The following PPP2R5B variants were observed in gnomAD, a reference collection of about 807,000 sequenced individuals.
PPP2R5B encodes the protein serine/threonine-protein phosphatase 2A 56 kDa regulatory subunit beta isoform.
In PPP2R5B, 19 loss-of-function variants were observed where a neutral mutation model predicts 59.9. That is an observed-to-expected ratio of 0.32 (90% CI 0.22 to 0.47). The LOEUF (loss-of-function observed/expected upper bound fraction) is 0.47. PPP2R5B is among the 20% of genes least tolerant of loss of function. PPP2R5B has a pLI of 1.00. For missense variants in PPP2R5B, 441 were observed against 640.2 expected (o/e 0.69, Z 3.36); for synonymous variants, 286 against 260.5 (o/e 1.10, Z -0.94).
rs923480575 is a variant in PPP2R5B at position 64,933,308 on chromosome 11, G to C, written c.1346+62G>C. The C allele has an allele frequency of 2.5e-5, 35 of 1,424,860 alleles. No individual in the cohort carries two copies. The African/African-American group carries it at 2.8e-4, about 11-fold the overall frequency. 88.3% of individuals were successfully genotyped at this position (1,424,860 alleles called of 1,614,324 possible). A position where few individuals can be genotyped will look rare whatever the true frequency, so the allele number is the denominator to read the frequency against. On this transcript the variant is annotated intron_variant, in intron 13 of 13. Coordinates refer to ENST00000164133, the MANE Select transcript of PPP2R5B (RefSeq NM_006244.4). ...GAGCAGGGAGGAGTCAGACCCCCAT[G>C]GCTGGAGGGAACCCGAGGACTACCC...
Position 64,931,335 on chromosome 11 carries a change from G to A in PPP2R5B, c.892-101G>A, listed in dbSNP as rs183149940. 1.8e-4 allele frequency: 237 copies of A among 1,287,394 alleles called. No individual in the cohort carries two copies. In the African/African-American group the frequency reaches 2.9e-3, roughly 16 times the overall value. The allele number at this position is 1,287,394 out of a possible 1,614,324, so 79.7% of individuals were successfully genotyped here. A position where few individuals can be genotyped will look rare whatever the true frequency, so the allele number is the denominator to read the frequency against. ...TTGGTGAATAAGAAAGTAACAGGCC[G>A]TGGGTGAGCAGTATTTGGCATTCTG... On this transcript the variant is annotated intron_variant, in intron 8 of 13. Transcript: ENST00000164133. The surrounding 1 kb of genome is among the most constrained non-coding windows in gnomAD (Gnocchi z 5.0).
intron 1 of PPP2R5B, among the ~76,000 whole-genome samples, chr11:64,919,381 T>G (rs601805): frequency 0.95 from 144,095 of 151,572 alleles, 68,909 homozygotes; most frequent in East Asian, 1. Flanking sequence ...GGAAGGAATC[T>G]AGAGCTCTGC....
At chr11:64,926,646 C>A in intron 2 of PPP2R5B, 66 bp from the exon 3 acceptor site, 2 of 1,565,510 alleles carry the variant, frequency 1.3e-6, no homozygotes, top group Non-Finnish European at 8.7e-7. Context: ...GGAGGGTCTG[C>A]CCCACCCACA....
chr11:64,923,482 G>A (rs1391044951), upstream of PPP2R5B, among the ~76,000 whole-genome samples: 1 of 152,222 alleles, frequency 6.6e-6, no homozygotes, highest in Non-Finnish European at 1.5e-5. Flanking sequence ...TCCTGAGCAA[G>A]CAGAGCACTT....
At chr11:64,927,717 A>G in intron 3 of PPP2R5B, 85 bp from the exon 4 acceptor site, 4 of 1,129,406 alleles carry the variant, frequency 3.5e-6, no homozygotes, top group East Asian at 2.4e-5. Flanking sequence ...GGGAAAGAAA[A>G]AAAAAAAAAA....
Position 64,933,882 on chromosome 11 carries a change from G to C in PPP2R5B, c.*38G>C. ...AAGGGGAAAAGCTAAACCCAGAGCT[G>C]TCAGTCCCTCTATCCCTTCTCCTGT... On this transcript the variant is annotated 3_prime_UTR_variant, in exon 14 of 14. Transcript: ENST00000164133. 1 of 1,481,102 alleles carries C rather than the reference G, an allele frequency of 6.8e-7. No individual in the cohort carries two copies. The allele number at this position is 1,481,102 out of a possible 1,614,324, so 91.7% of individuals were successfully genotyped here. A position where few individuals can be genotyped will look rare whatever the true frequency, so the allele number is the denominator to read the frequency against.
intron 12 of PPP2R5B, 48 bp downstream of exon 12, chr11:64,932,940 A>G: frequency 6.2e-7 from 1 of 1,610,332 alleles, no homozygotes; most frequent in South Asian, 1.1e-5. Flanking sequence ...GACCAGGGCC[A>G]GCCAGTCCAG....
At chr11:64,933,657 G>A (rs369075136) in intron 13 of PPP2R5B, 40 bp from the exon 14 acceptor site, 17 of 1,533,340 alleles carry the variant, frequency 1.1e-5, no homozygotes, top group African/African-American at 2.8e-5. Flanking sequence ...GGACTGTGGG[G>A]GGCCCCAGGA....
intron 1 of PPP2R5B, among the ~76,000 whole-genome samples, chr11:64,917,859 C>T (rs1196796910): frequency 7.2e-5 from 11 of 152,174 alleles, no homozygotes; most frequent in Non-Finnish European, 1.5e-4. Flanking sequence ...CCCCGGAATG[C>T]TCAGAGGGAG....
At chr11:64,921,583 T>C (rs1273657525), upstream of PPP2R5B, among the ~76,000 whole-genome samples, 1 of 152,156 alleles carries the variant, frequency 6.6e-6, no homozygotes, top group Non-Finnish European at 1.5e-5. Flanking sequence ...TTTGACTCTG[T>C]CCTGGGTGGA....
chr11:64,933,591 T>C, intron 13 of PPP2R5B, 106 bp from the exon 14 acceptor site: 3 of 1,385,262 alleles, frequency 2.2e-6, no homozygotes, highest in Non-Finnish European at 2.9e-6. Context: ...AATGGTTCCA[T>C]GCCTTCCCTT....
In PPP2R5B at chr11:64,929,501, A is replaced by G. The variant is rs538269135; in HGVS notation, c.723-821A>G. 2.6e-5 allele frequency among the ~76,000 whole-genome samples: 4 copies of G among 152,348 alleles called. No homozygotes were observed. In the East Asian group the frequency reaches 7.7e-4, roughly 29 times the overall value. ...AGCACTTTGGGAGTTGGAGGTGGGC[A>G]GATCACTTGAGATCAGGAGTTCAAG... is the stretch of plus-strand genomic sequence containing the variant. On this transcript the variant is annotated intron_variant, in intron 6 of 13. Coordinates refer to ENST00000164133, the MANE Select transcript of PPP2R5B (RefSeq NM_006244.4).
rs890362220 is a variant in PPP2R5B at position 64,927,026 on chromosome 11, C to T, written c.396+118C>T. On this transcript the variant is annotated intron_variant, in intron 3 of 13. Coordinates refer to ENST00000164133, the MANE Select transcript of PPP2R5B (RefSeq NM_006244.4). ...TGTACTCATCGGCTTGGCCTCAGTC[C>T]ACGTCTTCCTTCCCCCCGACCTGCT... 9 of 1,259,236 alleles carry T rather than the reference C, an allele frequency of 7.1e-6. No homozygotes were observed. In the African/African-American group the frequency reaches 1.1e-4, roughly 15 times the overall value. 78.0% of individuals were successfully genotyped at this position (1,259,236 alleles called of 1,614,324 possible).
At chr11:64,927,039 C>G in intron 3 of PPP2R5B, 131 bp downstream of exon 3, 1 of 1,075,612 alleles carries the variant, frequency 9.3e-7, no homozygotes, top group Non-Finnish European at 1.3e-6. Flanking sequence ...GTCTTCCTTC[C>G]CCCCGACCTG....
chr11:64,933,804 G>A lies in PPP2R5B; in HGVS notation c.1454G>A (p.Arg485Gln), dbSNP rs1423849546. 8 of 1,552,018 alleles carry A rather than the reference G, an allele frequency of 5.2e-6. No individual in the cohort carries two copies. The highest frequency in any genetic ancestry group is 2.7e-5 in the African/African-American group (2 of 72,996). ...GGGGCCAAGGAGGCCCCCCTCCAGC[G>A]GCTTACACCCCAGGTGGCCGCCAGT... ...TQGAKEAPLQ[R>Q]LTPQVAASGG... The change falls in exon 14 of 14, where the codon CGG (arginine) becomes CAG (glutamine). Residue 485 changes from arginine (R) to glutamine (Q), a missense_variant. Physicochemically the swap from Arg to Gln is conservative, Grantham distance 43 (BLOSUM62 1). Coordinates refer to ENST00000164133, the MANE Select transcript of PPP2R5B (RefSeq NM_006244.4).
Position 64,925,827 on chromosome 11 carries a change from C to T in PPP2R5B, c.93C>T (p.Phe31=). The T allele has an allele frequency of 6.2e-7, 1 of 1,607,402 alleles. No homozygotes were observed. Among genetic ancestry groups the T allele is most frequent in the Non-Finnish European group, 8.5e-7 (1 of 1,178,028 alleles). ...PVPPPDKVDG[F]SRRSLRRARP... ...CCCCACCCGACAAGGTGGACGGCTT[C>T]TCCCGCCGTTCCCTCCGCAGAGCCC... The change falls in exon 2 of 14, where the codon TTC becomes TTT. Residue 31 remains phenylalanine (F), a synonymous_variant. Coordinates refer to ENST00000164133, the MANE Select transcript of PPP2R5B (RefSeq NM_006244.4). This position sits in a 1 kb window ranked among gnomAD's most constrained non-coding sequence, Gnocchi z 4.6.
chr11:64,926,650 A>AC, intron 2 of PPP2R5B, 62 bp from the exon 3 acceptor site: 3 of 1,578,772 alleles, frequency 1.9e-6, no homozygotes, highest in Non-Finnish European at 2.6e-6. Context: ...GGTCTGCCCC[A>AC]CCCACAGCTG....
In PPP2R5B at chr11:64,934,333, T is replaced by A. The variant is rs1437348498; in HGVS notation, c.*489T>A. 1 of 270,130 alleles carries A rather than the reference T, an allele frequency of 3.7e-6. No homozygotes were observed. Among genetic ancestry groups the A allele is most frequent in the Non-Finnish European group, 7.1e-6 (1 of 141,200 alleles). The allele number at this position is 270,130 out of a possible 1,614,324, so 16.7% of individuals were successfully genotyped here. A position where few individuals can be genotyped will look rare whatever the true frequency, so the allele number is the denominator to read the frequency against. On this transcript the variant is annotated 3_prime_UTR_variant, in exon 14 of 14. Coordinates refer to ENST00000164133, the MANE Select transcript of PPP2R5B (RefSeq NM_006244.4). ...CCTCGCTGTGTACTTCCTTGTCCCC[T>A]TTTTATTTATTGGGCAGGGGGAGGG...
In PPP2R5B at chr11:64,925,872, C is replaced by T; in HGVS notation, c.138C>T (p.Ser46=). The change falls in exon 2 of 14, where the codon AGC becomes AGT. Residue 46 remains serine, a synonymous_variant. Coordinates refer to ENST00000164133, the MANE Select transcript of PPP2R5B (RefSeq NM_006244.4). This position sits in a 1 kb window ranked among gnomAD's most constrained non-coding sequence, Gnocchi z 4.6. ...GAGCCCGGCCCCGCCGCTCCCACAGCTCCTCTCAGTTCCGCTATCAGAGCA... is the reference window on the plus strand; with the variant it reads ...GAGCCCGGCCCCGCCGCTCCCACAGTTCCTCTCAGTTCCGCTATCAGAGCA... ...LRRARPRRSH[S]SSQFRYQSNQ... The T allele has an allele frequency of 1.9e-6, 3 of 1,612,036 alleles. No homozygotes were observed. Among genetic ancestry groups the T allele is most frequent in the Non-Finnish European group, 2.5e-6 (3 of 1,179,888 alleles).
Sources: allele counts gnomAD v4.1 joint callset (sites outside exome capture counted in the v4.1 genomes callset), GRCh38; gene constraint gnomAD v4.1.1; non-coding constraint Gnocchi (gnomAD v3.1); transcripts MANE v1.5; gene names NCBI Gene and HGNC (gene_info 2026-07-23, HGNC 2026-07-21).